The following SEMA3A variants were observed in gnomAD, a reference collection of about 807,000 sequenced individuals.
The protein encoded by SEMA3A is semaphorin-3A.
In SEMA3A, 29 loss-of-function variants were observed where a neutral mutation model predicts 97.9. The observed-to-expected ratio is 0.30, with a 90% CI of 0.22 to 0.40. The LOEUF (loss-of-function observed/expected upper bound fraction) is 0.40. SEMA3A is among the 10% of genes least tolerant of loss of function. The probability of loss-of-function intolerance (pLI) is 1.00; values close to 1 mark genes in which losing one functional copy is unlikely to be tolerated. For missense variants in SEMA3A, 763 were observed against 951.3 expected (o/e 0.80, Z 2.60); for synonymous variants, 321 against 323.7 (o/e 0.99, Z 0.09).
chr7:84,068,820 T>C (rs1054450040), intron 4 of SEMA3A, among the ~76,000 whole-genome samples: 6 of 152,098 alleles, frequency 3.9e-5, no homozygotes, highest in Admixed American at 3.9e-4. Context: ...AGGTTAAGCA[T>C]GTCAGTTATG....
chr7:83,984,139 T>C (rs960403980), intron 13 of SEMA3A, among the ~76,000 whole-genome samples: 3 of 152,098 alleles, frequency 2.0e-5, no homozygotes, highest in African/African-American at 7.2e-5. Context: ...TTTACAAAAA[T>C]AGACGTGGAG....
chr7:84,435,617 C>G (rs1805107365), intron 1 of SEMA3A, among the ~76,000 whole-genome samples: 1 of 152,006 alleles, frequency 6.6e-6, no homozygotes, highest in Non-Finnish European at 1.5e-5. Context: ...AACAAACAAA[C>G]AAACAAACAA....
At chr7:84,120,037 T>C (rs1388810131) in intron 3 of SEMA3A, among the ~76,000 whole-genome samples, 2 of 151,038 alleles carry the variant, frequency 1.3e-5, no homozygotes, top group African/African-American at 4.9e-5. Context: ...CAAATCAAAA[T>C]CTCCAAATCT....
intron 3 of SEMA3A, among the ~76,000 whole-genome samples, chr7:84,227,246 A>G (rs1488539364): frequency 6.6e-6 from 1 of 151,964 alleles, no homozygotes; most frequent in African/African-American, 2.4e-5. Flanking sequence ...GCACAGGAGA[A>G]ATGTAATTGA....
At chr7:83,979,133 CTT>C (rs761341563) in intron 14 of SEMA3A, among the ~76,000 whole-genome samples, 7 of 134,352 alleles carry the variant, frequency 5.2e-5, no homozygotes, top group Non-Finnish European at 8.1e-5. Flanking sequence ...ACGAATTCCA[CTT>C]TTTTTTTTTT....
At chr7:84,062,601 A>C (rs1387422947) in intron 4 of SEMA3A, among the ~76,000 whole-genome samples, 1 of 152,220 alleles carries the variant, frequency 6.6e-6, no homozygotes, top group Non-Finnish European at 1.5e-5. Flanking sequence ...GCATTGCCTC[A>C]CTTGGGAAGC....
intron 13 of SEMA3A, among the ~76,000 whole-genome samples, chr7:83,982,866 G>A (rs1051561409): frequency 1.3e-5 from 2 of 151,960 alleles, no homozygotes; most frequent in Non-Finnish European, 2.9e-5. Context: ...TATAAGGAGT[G>A]TTTACATAGA....
intron 3 of SEMA3A, among the ~76,000 whole-genome samples, chr7:84,265,765 C>T (rs936939897): frequency 2.2e-4 from 34 of 151,844 alleles, no homozygotes; most frequent in African/African-American, 8.2e-4. Flanking sequence ...TCCCTGCCAC[C>T]TCTCCCACTG....
At chr7:84,053,965 C>A (rs982296821) in intron 5 of SEMA3A, among the ~76,000 whole-genome samples, 29 of 150,128 alleles carry the variant, frequency 1.9e-4, no homozygotes, top group Non-Finnish European at 7.4e-5. Context: ...TTCTCCTTCA[C>A]TTATGAAGCT....
At chr7:84,265,145 C>A (rs553609988) in intron 3 of SEMA3A, among the ~76,000 whole-genome samples, 1 of 152,102 alleles carries the variant, frequency 6.6e-6, no homozygotes, top group Non-Finnish European at 1.5e-5. Flanking sequence ...GGAATGAGGA[C>A]TAATAAATGG....
Position 84,390,597 on chromosome 7 carries a change from G to GT in SEMA3A, c.-245-18698dup, listed in dbSNP as rs1474131490. Among the ~76,000 whole-genome samples the GT allele has an allele frequency of 2.0e-5, 3 of 151,982 alleles. No individual in the cohort carries two copies. The East Asian group carries it at 5.8e-4, about 29-fold the overall frequency. On this transcript the variant is annotated intron_variant, in intron 1 of 3. Transcript: ENST00000424555. ...GTCTAATACAGTCATAAAATCATGC[G>GT]TAAGATTCTCAAGCCCTCAATAAGT...
At chr7:84,059,591 A>G (rs1157398578) in intron 5 of SEMA3A, among the ~76,000 whole-genome samples, 1 of 151,934 alleles carries the variant, frequency 6.6e-6, no homozygotes, top group Non-Finnish European at 1.5e-5. Context: ...GAAATTTTAG[A>G]TTTGAAAAGT....
chr7:84,439,149 T>C (rs574703785), intron 1 of SEMA3A, among the ~76,000 whole-genome samples: 1 of 151,976 alleles, frequency 6.6e-6, no homozygotes, highest in Non-Finnish European at 1.5e-5. Flanking sequence ...TGGGGTGTTG[T>C]GATTTAAGGA....
chr7:84,136,960 A>AAG (rs1562805305), intron 1 of SEMA3A, among the ~76,000 whole-genome samples: 6,605 of 141,136 alleles, frequency 0.047, 280 homozygotes, highest in East Asian at 0.14. Context: ...GAGGGAGGGA[A>AAG]GAAGGAAGGA....
At chr7:84,434,114 T>C (rs1805058874) in intron 1 of SEMA3A, among the ~76,000 whole-genome samples, 1 of 152,194 alleles carries the variant, frequency 6.6e-6, no homozygotes, top group Non-Finnish European at 1.5e-5. Context: ...ATAGTAGTCA[T>C]TCTGACTACT....
chr7:84,008,982 G>A (rs111923228), intron 9 of SEMA3A, among the ~76,000 whole-genome samples: 1 of 151,960 alleles, frequency 6.6e-6, no homozygotes, highest in African/African-American at 2.4e-5. Flanking sequence ...AATACTTAAG[G>A]AGTATGATAG....
intron 3 of SEMA3A, among the ~76,000 whole-genome samples, chr7:84,207,168 G>T (rs1337509560): frequency 6.6e-6 from 1 of 152,156 alleles, no homozygotes; most frequent in Admixed American, 6.6e-5. Flanking sequence ...CAGTGGTGAG[G>T]CTCTTATGGC....
Position 83,956,043 on chromosome 7 carries a change from A to T in SEMA3A, c.*5328T>A, listed in dbSNP as rs1307567264. 1.3e-5 allele frequency: 2 copies of T among 152,190 alleles called. No individual in the cohort carries two copies. The highest frequency in any genetic ancestry group is 2.9e-5 in the Non-Finnish European group (2 of 68,014). 9.4% of individuals were successfully genotyped at this position (152,190 alleles called of 1,614,324 possible). Reference sequence around the variant, plus strand: ...GTGCGGGGTTGACATATTCAAGATGAAGGTGGGTCTCATTTTTTAAAAAAC... The same window carrying T: ...GTGCGGGGTTGACATATTCAAGATGTAGGTGGGTCTCATTTTTTAAAAAAC... On this transcript the variant is annotated 3_prime_UTR_variant, in exon 17 of 17. Coordinates refer to ENST00000265362, the MANE Select transcript of SEMA3A (RefSeq NM_006080.3).
intron 3 of SEMA3A, among the ~76,000 whole-genome samples, chr7:84,207,041 A>G (rs1028256670): frequency 6.6e-6 from 1 of 152,216 alleles, no homozygotes; most frequent in African/African-American, 2.4e-5. Flanking sequence ...TTAAATCTCT[A>G]TACATACAGG....
Sources: allele counts gnomAD v4.1 joint callset (sites outside exome capture counted in the v4.1 genomes callset), GRCh38; gene constraint gnomAD v4.1.1; transcripts MANE v1.5; gene names NCBI Gene and HGNC (gene_info 2026-07-23, HGNC 2026-07-21).